The following CREB5 variants were observed in gnomAD, a reference collection of about 807,000 sequenced individuals.
CREB5 encodes the protein cyclic AMP-responsive element-binding protein 5.
Under a neutral mutation model 57.1 loss-of-function variants are expected in CREB5, and 19 were observed. The observed-to-expected ratio is 0.33, with a 90% CI of 0.23 to 0.49. The LOEUF is 0.49. Among genes scored for constraint, CREB5 ranks in the 20% least tolerant of loss-of-function variants. CREB5 has a pLI of 0.99. For synonymous variants in CREB5, 238 were observed against 238.3 expected, an observed-to-expected ratio of 1.00 and a Z score of 0.01; for missense variants, 579 against 671.6, an observed-to-expected ratio of 0.86 and a Z score of 1.52.
At chr7:28,350,801 G>A (rs886256700) in intron 1 of CREB5, among the ~76,000 whole-genome samples, 2 of 152,052 alleles carry the variant, frequency 1.3e-5, no homozygotes, top group Non-Finnish European at 2.9e-5. Flanking sequence ...AGGCAGAGCT[G>A]GGAAATGGAG....
chr7:28,629,534 T>C (rs1283616258), intron 5 of CREB5, among the ~76,000 whole-genome samples: 1 of 152,192 alleles, frequency 6.6e-6, no homozygotes, highest in Non-Finnish European at 1.5e-5. Flanking sequence ...CTTTAAAAGA[T>C]AGCAGGGACA....
intron 5 of CREB5, among the ~76,000 whole-genome samples, chr7:28,672,186 A>AC (rs553407335): frequency 0.015 from 2,132 of 141,846 alleles, 37 homozygotes; most frequent in African/African-American, 0.043. Flanking sequence ...AAAAAAAAAA[A>AC]AAACACACAC....
chr7:28,577,559 G>T (rs1277520193), intron 5 of CREB5, among the ~76,000 whole-genome samples: 2 of 152,176 alleles, frequency 1.3e-5, no homozygotes, highest in Admixed American at 1.3e-4. Flanking sequence ...CACCCATTTT[G>T]CAGTTGAGTA....
At chr7:28,595,979 C>T (rs1196363284) in intron 5 of CREB5, among the ~76,000 whole-genome samples, 3 of 152,188 alleles carry the variant, frequency 2.0e-5, no homozygotes, top group East Asian at 1.9e-4. Flanking sequence ...TCACTTTCAT[C>T]GTGCTTACCA....
At chr7:28,686,327 G>T in intron 5 of CREB5, 1 of 682,974 alleles carries the variant, frequency 1.5e-6, no homozygotes, top group Non-Finnish European at 2.6e-6. Flanking sequence ...CTTTCTGCCC[G>T]TCTTTGTTTC....
intron 7 of CREB5, among the ~76,000 whole-genome samples, chr7:28,738,452 A>C (rs1804157856): frequency 6.6e-6 from 1 of 152,244 alleles, no homozygotes; most frequent in African/African-American, 2.4e-5. Flanking sequence ...AACCGTACCC[A>C]TGATAACAGA....
rs149339527 is a variant in CREB5, at chr7:28,393,289, A to G, written c.-25+93848A>G. Among the ~76,000 whole-genome samples, 67 of 152,316 alleles carry G rather than the reference A, an allele frequency of 4.4e-4. 1 individual carries two copies. The East Asian group carries it at 0.012, about 28-fold the overall frequency. On this transcript the variant is annotated intron_variant, in intron 1 of 9. Transcript: ENST00000396299. ...TTTACTGAGTCTGACTCGTCTCTCA[A>G]AATCATTGCTTCCTCAGACTGCATT...
At chr7:28,745,068 G>T (rs954151117) in intron 7 of CREB5, among the ~76,000 whole-genome samples, 25 of 152,240 alleles carry the variant, frequency 1.6e-4, no homozygotes, top group African/African-American at 6.0e-4. Flanking sequence ...CTGTGCATTT[G>T]CACAATTCTG....
At chr7:28,534,534 T>C (rs1203848738) in intron 4 of CREB5, among the ~76,000 whole-genome samples, 1 of 152,188 alleles carries the variant, frequency 6.6e-6, no homozygotes, top group East Asian at 1.9e-4. Flanking sequence ...AAGATGACAA[T>C]TCCAGCCAGC....
chr7:28,639,826 G>A (rs1490080111), intron 5 of CREB5, among the ~76,000 whole-genome samples: 1 of 152,166 alleles, frequency 6.6e-6, no homozygotes, highest in African/African-American at 2.4e-5. Context: ...CAGCAGCAGT[G>A]TTGTAGAGTG....
intron 5 of CREB5, among the ~76,000 whole-genome samples, chr7:28,698,248 T>C (rs963525266): frequency 2.6e-5 from 4 of 151,978 alleles, no homozygotes; most frequent in Admixed American, 6.6e-5. Flanking sequence ...ATAGTGAATC[T>C]TTTTGACAAC....
At chr7:28,403,060 A>G (rs1049385893) in intron 1 of CREB5, among the ~76,000 whole-genome samples, 1 of 152,266 alleles carries the variant, frequency 6.6e-6, no homozygotes. Flanking sequence ...TAATAATTAT[A>G]CAACCACTGG....
chr7:28,683,475 T>A (rs1363349048), intron 5 of CREB5, among the ~76,000 whole-genome samples: 1 of 152,198 alleles, frequency 6.6e-6, no homozygotes, highest in Non-Finnish European at 1.5e-5. Context: ...TTTATTGGGA[T>A]GTCGAAGTGT....
At chr7:28,566,685 C>T (rs1425426120) in intron 4 of CREB5, among the ~76,000 whole-genome samples, 1 of 152,042 alleles carries the variant, frequency 6.6e-6, no homozygotes, top group Non-Finnish European at 1.5e-5. Flanking sequence ...ATCGCCTTCT[C>T]TTAATGTGAA....
intron 5 of CREB5, among the ~76,000 whole-genome samples, chr7:28,700,933 A>G (rs1801823274): frequency 6.7e-6 from 1 of 149,686 alleles, no homozygotes; most frequent in South Asian, 2.1e-4. Flanking sequence ...TTTTAAGAGT[A>G]TAATTAAGAT....
At chr7:28,499,070 A>C (rs1792171057) in intron 3 of CREB5, among the ~76,000 whole-genome samples, 1 of 149,846 alleles carries the variant, frequency 6.7e-6, no homozygotes, top group South Asian at 2.2e-4. Context: ...GTGGTGTTTG[A>C]GTCTATTTCC....
At chr7:28,803,007 T>C (rs965585949) in intron 7 of CREB5, among the ~76,000 whole-genome samples, 14 of 152,340 alleles carry the variant, frequency 9.2e-5, no homozygotes, top group Non-Finnish European at 1.9e-4. Flanking sequence ...CAGAGTTGAG[T>C]AGTTGTGACA....
At chr7:28,506,035 G>A (rs1366570176) in intron 3 of CREB5, among the ~76,000 whole-genome samples, 1 of 152,180 alleles carries the variant, frequency 6.6e-6, no homozygotes, top group Non-Finnish European at 1.5e-5. Context: ...AAGGAGCTCA[G>A]TATCTTGGAG....
intron 1 of CREB5, among the ~76,000 whole-genome samples, chr7:28,357,483 A>G (rs1334775400): frequency 6.6e-6 from 1 of 152,194 alleles, no homozygotes; most frequent in Non-Finnish European, 1.5e-5. Flanking sequence ...TGCTGTTTGC[A>G]GTCATTGGAT....
Sources: gnomAD v4.1 joint callset for allele counts (sites outside exome capture counted in the v4.1 genomes callset) on GRCh38, gnomAD v4.1.1 for gene constraint, MANE v1.5 for transcripts, NCBI Gene and HGNC (gene_info 2026-07-23, HGNC 2026-07-21) for gene names.